The following CDH18 variants were observed in gnomAD, a reference collection of about 807,000 sequenced individuals.
CDH18 encodes the protein cadherin-18.
Under a neutral mutation model 67.9 loss-of-function variants are expected in CDH18, and 31 were observed. That is an observed-to-expected ratio of 0.46 (90% CI 0.34 to 0.62). The LOEUF (loss-of-function observed/expected upper bound fraction) is 0.62. CDH18 is among the 20% of genes least tolerant of loss of function. The pLI is 0.01. For missense variants in CDH18, 890 were observed against 975.5 expected (o/e 0.91, Z 1.17); for synonymous variants, 362 against 347.2 (o/e 1.04, Z -0.48).
At chr5:20,458,640 A>T (rs896754081) in intron 1 of CDH18, among the ~76,000 whole-genome samples, 7 of 150,844 alleles carry the variant, frequency 4.6e-5, no homozygotes, top group Non-Finnish European at 8.9e-5. Flanking sequence ...CAAGAACAAC[A>T]AAAAACCCAT....
intron 1 of CDH18, among the ~76,000 whole-genome samples, chr5:20,450,839 C>T (rs975110161): frequency 3.9e-5 from 6 of 152,170 alleles, no homozygotes; most frequent in Non-Finnish European, 8.8e-5. Flanking sequence ...AATTGACTCA[C>T]AGTTCCACAT....
chr5:20,134,280 T>C (rs996663945), intron 2 of CDH18, among the ~76,000 whole-genome samples: 4 of 152,144 alleles, frequency 2.6e-5, no homozygotes, highest in Non-Finnish European at 5.9e-5. Flanking sequence ...CCAGCCTACA[T>C]CTTGTATATC....
intron 7 of CDH18, among the ~76,000 whole-genome samples, chr5:19,576,331 T>C (rs1423354011): frequency 6.6e-6 from 1 of 151,830 alleles, no homozygotes; most frequent in African/African-American, 2.4e-5. Flanking sequence ...AAGAAAATAT[T>C]TGAAAATTGT....
At chr5:20,340,325 A>G (rs1228429674) in intron 1 of CDH18, among the ~76,000 whole-genome samples, 2 of 152,148 alleles carry the variant, frequency 1.3e-5, no homozygotes, top group African/African-American at 4.8e-5. Context: ...GAAGGTGGCC[A>G]CCTCGTCTTT....
intron 3 of CDH18, among the ~76,000 whole-genome samples, chr5:19,787,166 C>A (rs1775887744): frequency 6.6e-6 from 1 of 152,154 alleles, no homozygotes; most frequent in African/African-American, 2.4e-5. Context: ...TTGGCCTGAA[C>A]TCAGAGTCAT....
chr5:19,957,375 TATATC>T (rs1381221905), intron 2 of CDH18, among the ~76,000 whole-genome samples: 59 of 151,296 alleles, frequency 3.9e-4, no homozygotes, highest in African/African-American at 1.3e-3. Context: ...TCAATAATAA[TATATC>T]ATATACATAG....
chr5:19,696,493 T>C (rs1762559837), intron 5 of CDH18, among the ~76,000 whole-genome samples: 1 of 150,952 alleles, frequency 6.6e-6, no homozygotes, highest in South Asian at 2.1e-4. Flanking sequence ...CCGAGATTGA[T>C]CCACTGCACT....
At chr5:20,344,722 C>T (rs1287019171) in intron 1 of CDH18, among the ~76,000 whole-genome samples, 2 of 152,098 alleles carry the variant, frequency 1.3e-5, no homozygotes, top group Non-Finnish European at 2.9e-5. Flanking sequence ...CTTCCCATGG[C>T]CTTATTATGG....
intron 2 of CDH18, among the ~76,000 whole-genome samples, chr5:19,895,803 T>A (rs2150096499): frequency 6.6e-6 from 1 of 152,218 alleles, no homozygotes; most frequent in Non-Finnish European, 1.5e-5. Flanking sequence ...ATGATTGAAA[T>A]GACAAAGATA....
In CDH18 at chr5:20,068,452, G is replaced by A. The variant is rs568659599; in HGVS notation, c.-517-76438C>T. ...GGTGTCTCCTGAGGAAAATGGCCAG[G>A]AAACTGGTGAACATAGGGTATATGG... On this transcript the variant is annotated intron_variant, in intron 2 of 14. Transcript: ENST00000507958. 5.9e-5 allele frequency among the ~76,000 whole-genome samples: 9 copies of A among 152,124 alleles called. No individual in the cohort carries two copies. The South Asian group carries it at 1.9e-3, about 32-fold the overall frequency.
At chr5:19,774,022 A>C (rs569407760) in intron 3 of CDH18, among the ~76,000 whole-genome samples, 1 of 152,338 alleles carries the variant, frequency 6.6e-6, no homozygotes, top group African/African-American at 2.4e-5. Flanking sequence ...ATTTCTCTAT[A>C]TAGCTAGATC....
intron 1 of CDH18, among the ~76,000 whole-genome samples, chr5:20,464,508 G>T (rs1204795360): frequency 6.6e-6 from 1 of 152,104 alleles, no homozygotes; most frequent in Non-Finnish European, 1.5e-5. Flanking sequence ...GGATGTGAAA[G>T]GGCTAGAGTT....
intron 2 of CDH18, among the ~76,000 whole-genome samples, chr5:20,241,890 A>ATATGTATG (rs1554106515): frequency 2.7e-4 from 19 of 69,928 alleles, no homozygotes; most frequent in East Asian, 9.8e-4. Flanking sequence ...ATATATATAT[A>ATATGTATG]TGTATATATA....
intron 2 of CDH18, among the ~76,000 whole-genome samples, chr5:20,240,216 G>A (rs937986405): frequency 1.1e-4 from 17 of 151,604 alleles, no homozygotes; most frequent in Non-Finnish European, 2.2e-4. Context: ...AAACAATAGT[G>A]GATATCCAAG....
At chr5:20,215,708 A>G (rs202063981) in intron 2 of CDH18, among the ~76,000 whole-genome samples, 1 of 151,992 alleles carries the variant, frequency 6.6e-6, no homozygotes, top group East Asian at 1.9e-4. Context: ...ATAATATCAG[A>G]GACATGAAAT....
intron 1 of CDH18, among the ~76,000 whole-genome samples, chr5:20,406,860 G>T (rs2150137439): frequency 6.6e-6 from 1 of 152,220 alleles, no homozygotes; most frequent in Admixed American, 6.6e-5. Context: ...AAAAGGCTTT[G>T]GCATGCTTCG....
chr5:20,439,633 A>G (rs2150188340), intron 1 of CDH18, among the ~76,000 whole-genome samples: 1 of 151,906 alleles, frequency 6.6e-6, no homozygotes, highest in Non-Finnish European at 1.5e-5. Flanking sequence ...AATAGATCCA[A>G]TCTATTTTAT....
intron 2 of CDH18, among the ~76,000 whole-genome samples, chr5:19,844,730 T>C (rs1215555684): frequency 2.0e-5 from 3 of 152,164 alleles, no homozygotes; most frequent in Admixed American, 6.6e-5. Context: ...CCAAGTATAG[T>C]GATGGTGAGC....
At chr5:20,315,423 T>C (rs1737375532) in intron 1 of CDH18, among the ~76,000 whole-genome samples, 1 of 152,094 alleles carries the variant, frequency 6.6e-6, no homozygotes, top group Non-Finnish European at 1.5e-5. Flanking sequence ...AAAAGTGACA[T>C]TATTGTATTC....
Sources: gnomAD v4.1 joint callset for allele counts (sites outside exome capture counted in the v4.1 genomes callset) on GRCh38, gnomAD v4.1.1 for gene constraint, MANE v1.5 for transcripts, NCBI Gene and HGNC (gene_info 2026-07-23, HGNC 2026-07-21) for gene names.